DLGAP2: variants seen among roughly 807,000 people sequenced by gnomAD.
DLGAP2 encodes DLG associated protein 2.
In DLGAP2, 26 loss-of-function variants were observed where a neutral mutation model predicts 100.3. The observed-to-expected ratio is 0.26, with a 90% confidence interval of 0.19 to 0.36. The LOEUF (loss-of-function observed/expected upper bound fraction) is 0.36. Ranked by LOEUF, DLGAP2 falls within the 10% of genes least tolerant of loss-of-function variation. DLGAP2 has a pLI of 1.00. For missense variants in DLGAP2, 1,858 were observed against 1,453.2 expected (o/e 1.28, Z -4.53); for synonymous variants, 886 against 630.1 (o/e 1.41, Z -6.08).
chr8:1,626,702 C>A (rs191979855), intron 6 of DLGAP2, 38 bp from the exon 7 acceptor site: 1 of 1,565,990 alleles, frequency 6.4e-7, no homozygotes, highest in African/African-American at 1.4e-5. Context: ...GCAGCGGGTG[C>A]TCACAGAATG....
chr8:1,210,229 G>T (rs1422255101), intron 2 of DLGAP2, among the ~76,000 whole-genome samples: 1 of 152,164 alleles, frequency 6.6e-6, no homozygotes, highest in Non-Finnish European at 1.5e-5. Context: ...CAGGGCTCAG[G>T]TGACCTTCCT....
At chr8:1,493,592 G>A (rs925801212) in intron 3 of DLGAP2, among the ~76,000 whole-genome samples, 2 of 152,250 alleles carry the variant, frequency 1.3e-5, no homozygotes, top group East Asian at 1.9e-4. Flanking sequence ...GATTCTGAAC[G>A]TTGGTTTAAT....
At chr8:1,183,017 C>T (rs1182160585) in intron 2 of DLGAP2, among the ~76,000 whole-genome samples, 5 of 152,180 alleles carry the variant, frequency 3.3e-5, no homozygotes, top group Admixed American at 1.3e-4. Context: ...GTGTCACTGC[C>T]AGTGCGGGGA....
chr8:949,487 C>T (rs1431003940), intron 2 of DLGAP2, among the ~76,000 whole-genome samples: 1 of 151,996 alleles, frequency 6.6e-6, no homozygotes, highest in Non-Finnish European at 1.5e-5. Context: ...AGCTGAAACT[C>T]GGGAAGATGC....
chr8:1,158,613 G>A (rs1796835675), intron 2 of DLGAP2, among the ~76,000 whole-genome samples: 1 of 152,218 alleles, frequency 6.6e-6, no homozygotes, highest in Admixed American at 6.5e-5. Context: ...TGGTTTATGT[G>A]GAAGCCCTGT....
intron 1 of DLGAP2, among the ~76,000 whole-genome samples, chr8:898,383 G>C (rs981070787): frequency 6.6e-6 from 1 of 152,192 alleles, no homozygotes; most frequent in Non-Finnish European, 1.5e-5. Context: ...GCACCCTGGC[G>C]TGGTCCCTGG....
intron 2 of DLGAP2, among the ~76,000 whole-genome samples, chr8:977,467 T>C (rs563438265): frequency 4.6e-5 from 7 of 152,374 alleles, no homozygotes; most frequent in African/African-American, 1.7e-4. Flanking sequence ...TGACACTTTC[T>C]GATATAGCAA....
At chr8:791,229 A>G (rs1196613780) in intron 1 of DLGAP2, among the ~76,000 whole-genome samples, 1 of 152,198 alleles carries the variant, frequency 6.6e-6, no homozygotes, top group Non-Finnish European at 1.5e-5. Flanking sequence ...ATATTTGATT[A>G]CCAGTGGGGT....
chr8:885,115 G>C (rs1457759183), intron 1 of DLGAP2, among the ~76,000 whole-genome samples: 1 of 151,986 alleles, frequency 6.6e-6, no homozygotes, highest in Admixed American at 6.6e-5. Context: ...GGCTATATGG[G>C]GTCTTCTTTG....
At chr8:1,203,191 A>G (rs1436177885) in intron 2 of DLGAP2, among the ~76,000 whole-genome samples, 4 of 152,168 alleles carry the variant, frequency 2.6e-5, no homozygotes, top group African/African-American at 7.2e-5. Flanking sequence ...TGTGTCCTGC[A>G]CGAGGGGATT....
At chr8:998,362 G>A (rs762279867) in intron 2 of DLGAP2, among the ~76,000 whole-genome samples, 4 of 152,256 alleles carry the variant, frequency 2.6e-5, no homozygotes, top group African/African-American at 4.8e-5. Flanking sequence ...GTGCAGTGGC[G>A]TGGTCCTAGC....
chr8:1,315,592 A>C (rs34451885), intron 3 of DLGAP2, among the ~76,000 whole-genome samples: 2,525 of 106,642 alleles, frequency 0.024, no homozygotes, highest in Admixed American at 0.038. Flanking sequence ...GCGTCTCTCC[A>C]ACAGTGGTCT....
intron 4 of DLGAP2, among the ~76,000 whole-genome samples, chr8:1,517,896 C>G (rs561989584): frequency 6.6e-6 from 1 of 152,302 alleles, no homozygotes; most frequent in East Asian, 1.9e-4. Context: ...GAGCCTTGCA[C>G]AAAATAACCA....
At position 1,260,088 on chromosome 8, in the gene DLGAP2, G is replaced by A. The variant is rs144688206; in HGVS notation, c.106+1205G>A. ...GGGGGCTGTTCCCGGGTGGAGCCTGGGATGCTGGTCTGGGTGTGGCAGAGG... is the reference window on the plus strand; with the variant it reads ...GGGGGCTGTTCCCGGGTGGAGCCTGAGATGCTGGTCTGGGTGTGGCAGAGG... On this transcript the variant is annotated intron_variant, in intron 3 of 14. Coordinates refer to ENST00000637795, the MANE Select transcript of DLGAP2 (RefSeq NM_001346810.2). Among the ~76,000 whole-genome samples, 1,167 of 152,198 alleles carry A rather than the reference G, an allele frequency of 7.7e-3. 14 individuals are homozygous for A. Among genetic ancestry groups the A allele is most frequent in the South Asian group, 0.047 (227 of 4,816 alleles).
chr8:1,240,519 C>G (rs1191850639), intron 2 of DLGAP2, among the ~76,000 whole-genome samples: 1 of 150,902 alleles, frequency 6.6e-6, no homozygotes, highest in Non-Finnish European at 1.5e-5. Flanking sequence ...AGTTCTCTCA[C>G]ATGGCACCGT....
intron 3 of DLGAP2, among the ~76,000 whole-genome samples, chr8:1,324,322 A>G (rs1444816791): frequency 6.6e-6 from 1 of 152,206 alleles, no homozygotes; most frequent in African/African-American, 2.4e-5. Context: ...GCACATTCCT[A>G]TCCTATCTCT....
intron 1 of DLGAP2, among the ~76,000 whole-genome samples, chr8:796,989 C>T (rs773267191): frequency 6.6e-6 from 1 of 152,222 alleles, no homozygotes; most frequent in Non-Finnish European, 1.5e-5. Context: ...AAACTTTTAA[C>T]CCTGTTTGCA....
chr8:1,499,177 G>A (rs892707881), intron 3 of DLGAP2, among the ~76,000 whole-genome samples: 8 of 152,232 alleles, frequency 5.3e-5, no homozygotes, highest in South Asian at 4.1e-4. Context: ...GCAGGCTTCC[G>A]ATACCAAGCT....
intron 1 of DLGAP2, among the ~76,000 whole-genome samples, chr8:829,389 A>G (rs1796740668): frequency 6.6e-6 from 1 of 152,196 alleles, no homozygotes; most frequent in Admixed American, 6.5e-5. Flanking sequence ...CTGTTTCTCA[A>G]GGAAAGAGAA....
Sources: gnomAD v4.1 joint callset for allele counts (sites outside exome capture counted in the v4.1 genomes callset) on GRCh38, gnomAD v4.1.1 for gene constraint, MANE v1.5 for transcripts, NCBI Gene and HGNC (gene_info 2026-07-23, HGNC 2026-07-21) for gene names.